PRRC2A: variants seen among roughly 807,000 people sequenced by gnomAD.
PRRC2A encodes the protein protein PRRC2A.
A neutral mutation model predicts 224.6 loss-of-function variants in PRRC2A; 59 were observed. The ratio of observed to expected loss-of-function variants is 0.26; its 90% CI spans 0.21 to 0.33. The LOEUF (loss-of-function observed/expected upper bound fraction) is 0.33. Ranked by LOEUF, PRRC2A falls within the 10% of genes least tolerant of loss-of-function variation. The pLI is 1.00. For synonymous variants in PRRC2A, 1,194 were observed against 1,109.5 expected, an observed-to-expected ratio of 1.08 and a Z score of -1.51; for missense variants, 3,095 against 2,880.7, an observed-to-expected ratio of 1.07 and a Z score of -1.70.
chr6:31,633,096 G>A lies in PRRC2A; in HGVS notation c.4319+104G>A. On this transcript the variant is annotated intron_variant, in intron 16 of 30. Coordinates refer to ENST00000376033, the MANE Select transcript of PRRC2A (RefSeq NM_004638.4). Reference sequence around the variant, plus strand: ...GTGGAGTGGAGATTGTGGCCTGAGGGGCCATGGGCTCTAGAATGTCAGTAG... The same window carrying A: ...GTGGAGTGGAGATTGTGGCCTGAGGAGCCATGGGCTCTAGAATGTCAGTAG... 4.4e-6 allele frequency: 6 copies of A among 1,364,614 alleles called. No homozygotes were observed. The South Asian group carries it at 7.6e-5, about 17-fold the overall frequency. 84.5% of individuals were successfully genotyped at this position (1,364,614 alleles called of 1,614,324 possible).
Position 31,627,187 on chromosome 6 carries a change from G to A in PRRC2A, c.1279G>A (p.Gly427Arg). 6.2e-7 allele frequency: 1 copy of A among 1,605,080 alleles called. No homozygotes were observed. The highest frequency in any genetic ancestry group is 1.7e-4 in the Middle Eastern group (1 of 5,986). ...CCCCGCCGGGAACTGGGGCCCCCCT[G>A]GGGACTACCCAGTGAGTGTCTCCAA... ...RGPAGNWGPP[G>R]DYPDRGGPPC... Residue 427 changes from glycine to arginine, a missense_variant, in exon 11 of 31, where the codon GGG becomes AGG. Physicochemically the swap from Gly to Arg is moderately radical, Grantham distance 125. Transcript: ENST00000376033. The surrounding 1 kb of genome is among the most constrained non-coding windows in gnomAD (Gnocchi z 5.6).
At position 31,631,905 on chromosome 6, in the gene PRRC2A, G is replaced by A. The variant is rs575460469; in HGVS notation, c.3232G>A (p.Ala1078Thr). 3 of 1,612,168 alleles carry A rather than the reference G, an allele frequency of 1.9e-6. No homozygotes were observed. The highest frequency in any genetic ancestry group is 2.5e-6 in the Non-Finnish European group (3 of 1,179,718). ...GACAGGGGGACCAAACCACCCTCCT[G>A]CTCCCCGAGGCCGCACTGCCAGCGA... ...GGTGGPNHPP[A>T]PRGRTASETR... is the part of the protein sequence containing the mutation. The change falls in exon 16 of 31, where the codon GCT (alanine) becomes ACT (threonine). Residue 1078 changes from alanine (A) to threonine (T), a missense_variant. Around this residue, in one of 8 missense-constraint regions of PRRC2A, gnomAD observed 2,001 missense variants for 1,764.9 expected, o/e 1.13. Coordinates refer to ENST00000376033, the MANE Select transcript of PRRC2A (RefSeq NM_004638.4). This position sits in a 1 kb window ranked among gnomAD's most constrained non-coding sequence, Gnocchi z 4.5.
At chr6:31,628,980 G>A (rs1776227476) in intron 12 of PRRC2A, 164 bp from the exon 13 acceptor site, 2 of 683,810 alleles carry the variant, frequency 2.9e-6, no homozygotes, top group East Asian at 2.7e-5. Flanking sequence ...GAGAGGCCAT[G>A]AAGTGCTTTA....
chr6:31,636,219 C>T lies in PRRC2A; in HGVS notation c.5635C>T (p.Leu1879=), dbSNP rs745528291. 53 of 1,612,516 alleles carry T rather than the reference C, an allele frequency of 3.3e-5. No individual in the cohort carries two copies. The highest frequency in any genetic ancestry group is 4.2e-5 in the Non-Finnish European group (50 of 1,179,328). ...PSLHPYRSQP[L]YLPPGPAPPS... ...ACAATTTATTTTCAGATCACAGCCC[C>T]TATACCTACCCCCCGGCCCAGCCCC... Residue 1879 remains leucine, a synonymous_variant, in exon 26 of 31, where the codon CTA becomes TTA. Transcript: ENST00000376033. The surrounding 1 kb of genome is among the most constrained non-coding windows in gnomAD (Gnocchi z 4.3).
At chr6:31,622,585 T>G in intron 1 of PRRC2A, 105 bp from the exon 2 acceptor site, 2 of 512,646 alleles carry the variant, frequency 3.9e-6, no homozygotes, top group Non-Finnish European at 6.8e-6. Flanking sequence ...TTGAGAAGAG[T>G]GGGCAGTTTA....
rs1268848931 is a variant in PRRC2A, at chr6:31,636,283, A to C, written c.5699A>C (p.Gln1900Pro). 6.2e-7 allele frequency: 1 copy of C among 1,612,916 alleles called. No homozygotes were observed. The highest frequency in any genetic ancestry group is 1.3e-5 in the African/African-American group (1 of 74,994). The change falls in exon 26 of 31, where the codon CAG (glutamine) becomes CCG (proline). Residue 1900 changes from glutamine to proline, a missense_variant. This residue lies in a region of PRRC2A where 662 missense variants were observed against 609.5 expected (regional missense o/e 1.09). Coordinates refer to ENST00000376033, the MANE Select transcript of PRRC2A (RefSeq NM_004638.4). This position sits in a 1 kb window ranked among gnomAD's most constrained non-coding sequence, Gnocchi z 4.3. ...CTCTCTGGGTTAGCTCTCAAGGGCCAGTTTCTGGATTTCTCCACAATGCAA... is the reference window on the plus strand; with the variant it reads ...CTCTCTGGGTTAGCTCTCAAGGGCCCGTTTCTGGATTTCTCCACAATGCAA... ...ALLSGLALKG[Q>P]FLDFSTMQAT... is the part of the protein sequence containing the mutation.
chr6:31,622,550 A>C (rs73728952), intron 1 of PRRC2A, 140 bp from the exon 2 acceptor site: 2 of 458,476 alleles, frequency 4.4e-6, no homozygotes, highest in South Asian at 8.8e-5. Context: ...TTGAGCTATG[A>C]GGGAGCTAAG....
intron 2 of PRRC2A, 63 bp from the exon 3 acceptor site, chr6:31,623,669 A>G (rs1775569364): frequency 1.3e-6 from 2 of 1,543,460 alleles, no homozygotes; most frequent in Non-Finnish European, 1.8e-6. Flanking sequence ...GTGTCCCAGG[A>G]TAGGAGGCCA....
In PRRC2A at chr6:31,626,130, A is replaced by G. The variant is rs1249005271; in HGVS notation, c.950A>G (p.Gln317Arg). The change falls in exon 9 of 31, where the codon CAG becomes CGG. Residue 317 changes from glutamine (Q) to arginine (R), a missense_variant. This residue lies in a region of PRRC2A where 287 missense variants were observed against 275.3 expected (regional missense o/e 1.04). Coordinates refer to ENST00000376033, the MANE Select transcript of PRRC2A (RefSeq NM_004638.4). ...GAGGATAATCTCAAAGAGTTTGATC[A>G]GTTGGATCAGGAGAATGATGATGGT... ...LKEDNLKEFD[Q>R]LDQENDDGWA... The G allele has an allele frequency of 6.2e-7, 1 of 1,612,768 alleles. No individual in the cohort carries two copies. Among genetic ancestry groups the G allele is most frequent in the Non-Finnish European group, 8.5e-7 (1 of 1,179,876 alleles).
At position 31,637,756 on chromosome 6, in the gene PRRC2A, G is replaced by T. The variant is rs1777743800; in HGVS notation, c.*170G>T. On this transcript the variant is annotated 3_prime_UTR_variant, in exon 31 of 31. Transcript: ENST00000376033. ...GTTTGTTAAAAAAGAGTAATAAAAG[G>T]ATTTAAAAAAAAAAACTTCTACAAT... is the stretch of plus-strand genomic sequence containing the variant. The T allele has an allele frequency of 4.7e-6, 2 of 429,190 alleles. No individual in the cohort carries two copies. Among genetic ancestry groups the T allele is most frequent in the Non-Finnish European group, 4.1e-6 (1 of 245,586 alleles). The allele number at this position is 429,190 out of a possible 1,614,324, so 26.6% of individuals were successfully genotyped here.
In PRRC2A at chr6:31,633,410, C is replaced by T. The variant is rs763605212; in HGVS notation, c.4351C>T (p.Pro1451Ser). Reference protein sequence around the residue: ...RPPEERPPGLPLPPPPPSSSA... With the variant: ...RPPEERPPGLSLPPPPPSSSA... ...TCCAGAGGAGCGTCCCCCGGGGCTT[C>T]CCCTGCCTCCCCCACCTCCCAGCAG... Residue 1451 changes from proline (P) to serine (S), a missense_variant, in exon 17 of 31, where the codon CCC becomes TCC. Transcript: ENST00000376033. 9.9e-6 allele frequency: 16 copies of T among 1,613,012 alleles called. No individual in the cohort carries two copies. Among genetic ancestry groups the T allele is most frequent in the Non-Finnish European group, 1.4e-5 (16 of 1,179,992 alleles).
chr6:31,622,980 G>A (rs1344803217), intron 2 of PRRC2A, 79 bp downstream of exon 2: 25 of 1,203,714 alleles, frequency 2.1e-5, no homozygotes, highest in Non-Finnish European at 3.0e-5. Flanking sequence ...TCTTTAAAGG[G>A]AAGTGGCTGT....
In PRRC2A at chr6:31,637,313, C is replaced by G. The variant is rs558243740; in HGVS notation, c.6322C>G (p.Leu2108Val). The G allele has an allele frequency of 1.2e-5, 19 of 1,611,582 alleles. No homozygotes were observed. The highest frequency in any genetic ancestry group is 1.2e-5 in the Non-Finnish European group (14 of 1,178,740). Residue 2108 changes from leucine (L) to valine (V), a missense_variant, in exon 30 of 31, where the codon CTT becomes GTT. Coordinates refer to ENST00000376033, the MANE Select transcript of PRRC2A (RefSeq NM_004638.4). ...SGVFRTQRVD[L>V]YQQASPPDAL... ...AGTCTTCCGCACCCAGCGCGTCGAC[C>G]TTTACCAGCAGGTGAAGGAGAAACC...
intron 12 of PRRC2A, among the ~76,000 whole-genome samples, chr6:31,628,448 G>A (rs1776166885): frequency 6.6e-6 from 1 of 152,178 alleles, no homozygotes; most frequent in Non-Finnish European, 1.5e-5. Context: ...CCATTTCTTG[G>A]CAGAGTACTG....
chr6:31,637,318 C>T lies in PRRC2A; in HGVS notation c.6327C>T (p.Tyr2109=), dbSNP rs1056163147. 3.1e-6 allele frequency: 5 copies of T among 1,611,044 alleles called. No individual in the cohort carries two copies. In the African/African-American group the frequency reaches 6.7e-5, roughly 22 times the overall value. Reference sequence around the variant, plus strand: ...TCCGCACCCAGCGCGTCGACCTTTACCAGCAGGTGAAGGAGAAACCCTTGT... The same window carrying T: ...TCCGCACCCAGCGCGTCGACCTTTATCAGCAGGTGAAGGAGAAACCCTTGT... ...GVFRTQRVDL[Y]QQASPPDALR... The change falls in exon 30 of 31, where the codon TAC becomes TAT. Residue 2109 remains tyrosine (Y), a synonymous_variant. Transcript: ENST00000376033.
chr6:31,635,108 C>T (rs539242161), intron 21 of PRRC2A, 24 bp from the exon 22 acceptor site: 74 of 1,611,448 alleles, frequency 4.6e-5, no homozygotes, highest in Non-Finnish European at 5.9e-5. Flanking sequence ...TCCCCCAATG[C>T]ACTTTACTGT....
At chr6:31,629,071 G>A (rs1776238781) in intron 12 of PRRC2A, 73 bp from the exon 13 acceptor site, 17 of 1,455,912 alleles carry the variant, frequency 1.2e-5, no homozygotes, top group Non-Finnish European at 1.5e-5. Flanking sequence ...GAGATGAGAC[G>A]TGAGATTCCT....
intron 16 of PRRC2A, 117 bp from the exon 17 acceptor site, chr6:31,633,262 A>C: frequency 6.9e-7 from 1 of 1,455,920 alleles, no homozygotes. Context: ...AAGGACTCAA[A>C]AACACCTGGA....
chr6:31,625,309 C>G lies in PRRC2A; in HGVS notation c.602C>G (p.Pro201Arg), dbSNP rs1430731988. Residue 201 changes from proline to arginine, a missense_variant, in exon 6 of 31, where the codon CCC becomes CGC. This residue lies in a region of PRRC2A where 287 missense variants were observed against 275.3 expected (regional missense o/e 1.04). Transcript: ENST00000376033. The surrounding 1 kb of genome is among the most constrained non-coding windows in gnomAD (Gnocchi z 4.1). Reference protein sequence around the residue: ...QSSGPGPSLRPQNSTTWRDGG... With the variant: ...QSSGPGPSLRRQNSTTWRDGG... Reference sequence around the variant, plus strand: ...TCTGGGCCCGGACCAAGCCTCCGCCCCCAAAGTGAGTGGCTGCCTTTTGGC... The same window carrying G: ...TCTGGGCCCGGACCAAGCCTCCGCCGCCAAAGTGAGTGGCTGCCTTTTGGC... The G allele has an allele frequency of 6.2e-7, 1 of 1,613,898 alleles. No homozygotes were observed. The highest frequency in any genetic ancestry group is 2.2e-5 in the East Asian group (1 of 44,892).
Sources: allele counts gnomAD v4.1 joint callset (sites outside exome capture counted in the v4.1 genomes callset), GRCh38; gene constraint gnomAD v4.1.1; regional missense constraint gnomAD v4.1.1; non-coding constraint Gnocchi (gnomAD v3.1); transcripts MANE v1.5; gene names NCBI Gene and HGNC (gene_info 2026-07-23, HGNC 2026-07-21).